Variants in ALMS1 observed in about 807,000 individuals in gnomAD.
The protein encoded by ALMS1 is ALMS1 centrosome and basal body associated protein.
A neutral mutation model predicts 352.2 loss-of-function variants in ALMS1; 271 were observed. That is an observed-to-expected ratio of 0.77 (90% CI 0.70 to 0.85). The LOEUF is 0.85. ALMS1 is among the 40% of genes least tolerant of loss of function. The pLI, the probability that ALMS1 is intolerant of heterozygous loss-of-function variation, is 0.00. For synonymous variants in ALMS1, 1,865 were observed against 1,761.2 expected (o/e 1.06, Z -1.48); for missense variants, 5,445 against 4,870.7 (o/e 1.12, Z -3.51).
At chr2:73,589,506 A>G (rs1291973437) in intron 16 of ALMS1, among the ~76,000 whole-genome samples, 3 of 152,166 alleles carry the variant, frequency 2.0e-5, no homozygotes, top group Non-Finnish European at 2.9e-5. Flanking sequence ...CTGTCTCCCC[A>G]TAGGAAACCA....
chr2:73,534,705 G>A (rs1458062216), intron 11 of ALMS1, 119 bp from the exon 12 acceptor site: 9 of 1,018,230 alleles, frequency 8.8e-6, no homozygotes, highest in Non-Finnish European at 1.3e-5. Context: ...ATTTCTCTTT[G>A]TTTACTCATA....
In ALMS1 at chr2:73,451,799, T is replaced by G. The variant is rs1179437667; in HGVS notation, c.5272T>G (p.Phe1758Val). 6.2e-7 allele frequency: 1 copy of G among 1,613,976 alleles called. No homozygotes were observed. Among genetic ancestry groups the G allele is most frequent in the African/African-American group, 1.3e-5 (1 of 74,894 alleles). The part of the protein sequence containing the change: ...KTGLSTVTSS[F>V]YSHTEKPNIS... ...TGGGTTATCTACTGTAACTTCCTCT[T>G]TCTATTCACATACAGAGAAGCCTAA... Residue 1758 changes from phenylalanine (F) to valine (V), a missense_variant, in exon 8 of 23, where the codon TTC becomes GTC. By Grantham distance (50) the Phe-to-Val change is conservative. Transcript: ENST00000613296.
At chr2:73,414,737 G>C (rs1051401998) in intron 2 of ALMS1, among the ~76,000 whole-genome samples, 3 of 151,192 alleles carry the variant, frequency 2.0e-5, no homozygotes, top group African/African-American at 7.3e-5. Flanking sequence ...TACTCATCTG[G>C]CTGTTCTCTC....
intron 15 of ALMS1, among the ~76,000 whole-genome samples, 162 bp from the exon 16 acceptor site, chr2:73,572,100 A>T (rs1387213889): frequency 6.6e-6 from 1 of 152,202 alleles, no homozygotes; most frequent in Non-Finnish European, 1.5e-5. Context: ...GCTACTAAGA[A>T]CAAGGCATCA....
At chr2:73,520,388 G>A (rs962835406) in intron 11 of ALMS1, among the ~76,000 whole-genome samples, 8 of 152,138 alleles carry the variant, frequency 5.3e-5, no homozygotes, top group Admixed American at 1.3e-4. Context: ...TATATAGTGC[G>A]TATATAGGGA....
chr2:73,429,319 T>A lies in ALMS1; in HGVS notation c.1338+2766T>A, dbSNP rs1572917686. On this transcript the variant is annotated intron_variant, in intron 6 of 22. Transcript: ENST00000613296. ...TTTTTGAGGCAGAGTTTTGCTCTTG[T>A]CATCCAGGCTGGAGTGCAATGGCAC... Among the ~76,000 whole-genome samples, 4 of 148,948 alleles carry A rather than the reference T, an allele frequency of 2.7e-5. No individual in the cohort carries two copies. In the East Asian group the frequency reaches 7.8e-4, roughly 29 times the overall value.
At chr2:73,595,466 A>G (rs553810127) in intron 16 of ALMS1, among the ~76,000 whole-genome samples, 5 of 152,314 alleles carry the variant, frequency 3.3e-5, no homozygotes, top group African/African-American at 1.2e-4. Flanking sequence ...GTGCTGTAGT[A>G]TGCATCAGTG....
In ALMS1 at chr2:73,501,036, G is replaced by A. The variant is rs139774304; in HGVS notation, c.9539+9538G>A. ...ATTTTTAATTTCACTCATTCTAAAT[G>A]TGAGTATGAAACAGTATGGTATTGT... On this transcript the variant is annotated intron_variant, in intron 10 of 22. Coordinates refer to ENST00000613296, the MANE Select transcript of ALMS1 (RefSeq NM_001378454.1). Among the ~76,000 whole-genome samples the A allele has an allele frequency of 5.9e-5, 9 of 152,256 alleles. No homozygotes were observed. The East Asian group carries it at 1.7e-3, about 29-fold the overall frequency.
intron 2 of ALMS1, among the ~76,000 whole-genome samples, chr2:73,413,291 G>A: frequency 6.6e-6 from 1 of 152,056 alleles, no homozygotes; most frequent in Non-Finnish European, 1.5e-5. Flanking sequence ...GTCTTTGAAA[G>A]GCAGAAGTTT....
intron 1 of ALMS1, among the ~76,000 whole-genome samples, chr2:73,397,662 G>C (rs904409008): frequency 2.6e-5 from 4 of 152,086 alleles, no homozygotes; most frequent in African/African-American, 7.2e-5. Flanking sequence ...AGTAGAGATG[G>C]GATTTCACCA....
intron 10 of ALMS1, among the ~76,000 whole-genome samples, chr2:73,499,632 C>G (rs1673180107): frequency 6.6e-6 from 1 of 152,144 alleles, no homozygotes; most frequent in East Asian, 1.9e-4. Context: ...ATTCTGATAT[C>G]TCTTTTATCC....
At chr2:73,555,331 A>G (rs1449444221) in intron 13 of ALMS1, among the ~76,000 whole-genome samples, 2 of 152,202 alleles carry the variant, frequency 1.3e-5, no homozygotes, top group South Asian at 2.1e-4. Context: ...AACCTAACAT[A>G]CACAGAGATG....
At chr2:73,402,949 A>G (rs1172701073) in intron 1 of ALMS1, among the ~76,000 whole-genome samples, 1 of 152,100 alleles carries the variant, frequency 6.6e-6, no homozygotes, top group East Asian at 1.9e-4. Flanking sequence ...CTTATCAGAT[A>G]TATGGTTTGC....
chr2:73,600,724 T>G lies in ALMS1; in HGVS notation c.11715T>G (p.Val3905=), dbSNP rs773575203. Reference sequence around the variant, plus strand: ...GTGCCAAAAAACACACTCGAGATGTTGGGATAACTTTCCCAACTCCAAGTT... The same window carrying G: ...GTGCCAAAAAACACACTCGAGATGTGGGGATAACTTTCCCAACTCCAAGTT... ...VNGAKKHTRD[V]GITFPTPSSS... is the part of the protein sequence containing the mutation. The change falls in exon 18 of 23, where the codon GTT becomes GTG. Residue 3905 remains valine (V), a synonymous_variant. Transcript: ENST00000613296. 3 of 1,614,142 alleles carry G rather than the reference T, an allele frequency of 1.9e-6. No individual in the cohort carries two copies. Among genetic ancestry groups the G allele is most frequent in the Non-Finnish European group, 2.5e-6 (3 of 1,180,010 alleles).
intron 12 of ALMS1, among the ~76,000 whole-genome samples, chr2:73,538,579 G>A (rs1232974230): frequency 6.6e-6 from 1 of 152,156 alleles, no homozygotes; most frequent in Non-Finnish European, 1.5e-5. Flanking sequence ...GCCGAAGCAG[G>A]GCAAGGCATC....
rs746373064 is a variant in ALMS1 at position 73,448,874 on chromosome 2, C to G, written c.2347C>G (p.Leu783Val). Residue 783 changes from leucine to valine, a missense_variant, in exon 8 of 23, where the codon CTA (leucine) becomes GTA (valine). By Grantham distance (32) the Leu-to-Val change is conservative (BLOSUM62 1). Transcript: ENST00000613296. The stretch of plus-strand genomic sequence containing the variant: ...CCCACAGGACTTAGCAGACAGTCAT[C>G]TACCTGAAGAGGGTCTGAAAGTTTC... ...LYPQDLADSHLPEEGLKVSAV... is the reference protein window; with the variant it reads ...LYPQDLADSHVPEEGLKVSAV... The G allele has an allele frequency of 2.5e-6, 4 of 1,613,894 alleles. No homozygotes were observed. Among genetic ancestry groups the G allele is most frequent in the Admixed American group, 1.7e-5 (1 of 59,982 alleles).
At chr2:73,598,226 T>C (rs1406602633) in intron 16 of ALMS1, among the ~76,000 whole-genome samples, 1 of 152,214 alleles carries the variant, frequency 6.6e-6, no homozygotes, top group Non-Finnish European at 1.5e-5. Context: ...AATCTAGGTA[T>C]GGTATGCTAT....
At chr2:73,433,040 A>AGT (rs972507077) in intron 7 of ALMS1, among the ~76,000 whole-genome samples, 1 of 152,180 alleles carries the variant, frequency 6.6e-6, no homozygotes, top group Non-Finnish European at 1.5e-5. Flanking sequence ...GGAGGTGAGT[A>AGT]GTGGTGGAAT....
rs1675458444 is a variant in ALMS1, at chr2:73,592,721, T to A, written c.11548-6680T>A. 2.0e-5 allele frequency among the ~76,000 whole-genome samples: 3 copies of A among 152,162 alleles called. No homozygotes were observed. In the South Asian group the frequency reaches 6.2e-4, roughly 32 times the overall value. The stretch of plus-strand genomic sequence containing the variant: ...GTTGGATATGTTTTTCTAAGATCAG[T>A]TTCCACCTAACAAGTAATTTTTTAA... On this transcript the variant is annotated intron_variant, in intron 16 of 22. Transcript: ENST00000613296.
Sources: gnomAD v4.1 joint callset for allele counts (sites outside exome capture counted in the v4.1 genomes callset) on GRCh38, gnomAD v4.1.1 for gene constraint, MANE v1.5 for transcripts, NCBI Gene and HGNC (gene_info 2026-07-23, HGNC 2026-07-21) for gene names.